The following ACSM5 variants were observed in gnomAD, a reference collection of about 807,000 sequenced individuals.
ACSM5 encodes acyl-CoA synthetase medium chain family member 5.
A neutral mutation model predicts 71.6 loss-of-function variants in ACSM5; 56 were observed. The ratio of observed to expected loss-of-function variants is 0.78; its 90% CI spans 0.63 to 0.98. The LOEUF is 0.98. ACSM5 is among the 50% of genes least tolerant of loss of function. The probability of loss-of-function intolerance (pLI) is 0.00; values close to 1 mark genes in which losing one functional copy is unlikely to be tolerated. For synonymous variants in ACSM5, 285 were observed against 281.5 expected, an observed-to-expected ratio of 1.01 and a Z score of -0.12; for missense variants, 723 against 726.0, an observed-to-expected ratio of 1.00 and a Z score of 0.05.
chr16:20,412,652 G>T (rs956676969), intron 2 of ACSM5, among the ~76,000 whole-genome samples: 8 of 152,170 alleles, frequency 5.3e-5, no homozygotes, highest in African/African-American at 1.2e-4. Context: ...AATGAGAAAA[G>T]CCTTTTCCCT....
chr16:20,438,954 T>TAAAA (rs1275195181), intron 12 of ACSM5, among the ~76,000 whole-genome samples: 2 of 92,684 alleles, frequency 2.2e-5, no homozygotes, highest in Non-Finnish European at 4.0e-5. Flanking sequence ...GACTCTGTCT[T>TAAAA]AAAAAAAAAA....
rs758925560 is a variant in ACSM5, at chr16:20,419,207, T to A, written c.416-21T>A. 4 of 1,613,422 alleles carry A rather than the reference T, an allele frequency of 2.5e-6. No individual in the cohort carries two copies. In the East Asian group the frequency reaches 8.9e-5, roughly 36 times the overall value. The stretch of plus-strand genomic sequence containing the variant: ...GGCCTTCCCCGCTATCCACTCAACA[T>A]CCCCTTCTGTTTTATGCCAGGGACT... On this transcript the variant is annotated intron_variant, in intron 3 of 13. Transcript: ENST00000331849.
intron 10 of ACSM5, among the ~76,000 whole-genome samples, chr16:20,433,617 C>T (rs1397925389): frequency 6.6e-6 from 1 of 151,942 alleles, no homozygotes; most frequent in Non-Finnish European, 1.5e-5. Context: ...AAAAAAGAAT[C>T]CAGGAATTTG....
At chr16:20,419,082 G>C (rs770201681) in intron 3 of ACSM5, 146 bp from the exon 4 acceptor site, 250 of 711,284 alleles carry the variant, frequency 3.5e-4, no homozygotes, top group Non-Finnish European at 4.6e-4. Context: ...GACGGCTAGG[G>C]TTTTTAGGCT....
intron 2 of ACSM5, among the ~76,000 whole-genome samples, chr16:20,415,349 T>C (rs1173345848): frequency 6.6e-6 from 1 of 152,146 alleles, no homozygotes; most frequent in South Asian, 2.1e-4. Context: ...CACAGAGAGC[T>C]TTTTGAAGAG....
chr16:20,423,748 G>A (rs559730159), intron 5 of ACSM5, among the ~76,000 whole-genome samples, 168 bp from the exon 6 acceptor site: 1 of 152,344 alleles, frequency 6.6e-6, no homozygotes, highest in African/African-American at 2.4e-5. Flanking sequence ...ATAGGTACAT[G>A]GAAGATGCTG....
intron 4 of ACSM5, 104 bp from the exon 5 acceptor site, chr16:20,421,154 T>C: frequency 1.5e-6 from 2 of 1,378,408 alleles, no homozygotes; most frequent in Non-Finnish European, 1.9e-6. Flanking sequence ...GCACCTCACA[T>C]GTGGTATTTA....
intron 12 of ACSM5, among the ~76,000 whole-genome samples, chr16:20,437,884 A>G (rs2141662935): frequency 6.6e-6 from 1 of 151,288 alleles, no homozygotes; most frequent in African/African-American, 2.4e-5. Flanking sequence ...GTGCAGTGGC[A>G]TGATCTTGGC....
chr16:20,423,921 G>T lies in ACSM5; in HGVS notation c.773G>T (p.Trp258Leu), dbSNP rs534281119. Residue 258 changes from tryptophan (W) to leucine (L), a missense_variant, in exon 6 of 14, where the codon TGG (tryptophan) becomes TTG (leucine). Physicochemically the swap from Trp to Leu is moderately conservative, Grantham distance 61. Coordinates refer to ENST00000331849, the MANE Select transcript of ACSM5 (RefSeq NM_017888.3). Reference protein sequence around the residue: ...GLGFVASGRRWVALTESDIFW... With the variant: ...GLGFVASGRRLVALTESDIFW... ...CGTTCTCTAATTTTTGGCAGACGGT[G>T]GGTGGCCTTGACCGAATCTGACATC... is the stretch of plus-strand genomic sequence containing the variant. 10 of 1,613,968 alleles carry T rather than the reference G, an allele frequency of 6.2e-6. 1 individual carries two copies. In the South Asian group the frequency reaches 8.8e-5, roughly 14 times the overall value.
In ACSM5 at chr16:20,417,023, CAA is replaced by C. The variant is rs35498393; in HGVS notation, c.205-1021_205-1020del. On this transcript the variant is annotated intron_variant, in intron 2 of 13. Transcript: ENST00000331849. ...TACCACTTCATAACCAGTGGCATGG[CAA>C]AAAAAAAAAAAAAAGGTACAATAAC... is the stretch of plus-strand genomic sequence containing the variant. Among the ~76,000 whole-genome samples, 13 of 130,058 alleles carry C rather than the reference CAA, an allele frequency of 1.0e-4. 1 individual carries two copies. The South Asian group carries it at 1.0e-3, about 10-fold the overall frequency. The allele number at this position is 130,058 out of a possible 152,430, so 85.3% of individuals were successfully genotyped here.
At chr16:20,423,877 T>A (rs1966924646) in intron 5 of ACSM5, 39 bp from the exon 6 acceptor site, 1 of 1,611,110 alleles carries the variant, frequency 6.2e-7, no homozygotes, top group African/African-American at 1.3e-5. Context: ...AAAGGTAGAG[T>A]CATTGCCAAG....
At chr16:20,424,376 C>G (rs1332672244) in intron 6 of ACSM5, among the ~76,000 whole-genome samples, 1 of 152,130 alleles carries the variant, frequency 6.6e-6, no homozygotes, top group Non-Finnish European at 1.5e-5. Context: ...AACCCTTAGG[C>G]AAAATCAGTC....
intron 1 of ACSM5, among the ~76,000 whole-genome samples, chr16:20,410,844 G>T (rs982552268): frequency 1.3e-5 from 2 of 152,072 alleles, no homozygotes; most frequent in African/African-American, 4.8e-5. Flanking sequence ...CTTGAAGTGT[G>T]GCTAGTCCAA....
At chr16:20,422,187 C>T (rs1248033714) in intron 5 of ACSM5, among the ~76,000 whole-genome samples, 1 of 152,146 alleles carries the variant, frequency 6.6e-6, no homozygotes, top group African/African-American at 2.4e-5. Context: ...TCTCCACTCA[C>T]TGCAACCTCT....
intron 6 of ACSM5, 152 bp downstream of exon 6, chr16:20,424,221 C>G (rs1416443553): frequency 2.2e-6 from 2 of 914,336 alleles, no homozygotes; most frequent in South Asian, 3.6e-5. Flanking sequence ...TGGTTCCTGA[C>G]CACCTGGTTC....
intron 6 of ACSM5, among the ~76,000 whole-genome samples, chr16:20,425,199 T>A (rs61078310): frequency 0.12 from 17,899 of 151,788 alleles, 2,518 homozygotes; most frequent in African/African-American, 0.34. Flanking sequence ...TTCCATGAGT[T>A]CAATTGTTTT....
In ACSM5 at chr16:20,437,286, T is replaced by G; in HGVS notation, c.1455T>G (p.Val485=). ...INSSSYRIGP[V]EVESALAEHP... is the part of the protein sequence containing the mutation. ...CTTCCAGCTACCGGATCGGGCCTGT[T>G]GAAGTGGAAAGTGCCCTGGCAGAGC... Residue 485 remains valine (V), a synonymous_variant, in exon 12 of 14, where the codon GTT becomes GTG. Coordinates refer to ENST00000331849, the MANE Select transcript of ACSM5 (RefSeq NM_017888.3). The G allele has an allele frequency of 6.2e-7, 1 of 1,614,160 alleles. No homozygotes were observed. Among genetic ancestry groups the G allele is most frequent in the Non-Finnish European group, 8.5e-7 (1 of 1,180,026 alleles).
At chr16:20,420,204 G>A (rs1278535072) in intron 4 of ACSM5, among the ~76,000 whole-genome samples, 1 of 152,192 alleles carries the variant, frequency 6.6e-6, no homozygotes, top group East Asian at 1.9e-4. Context: ...AGCTGCATCA[G>A]ATTCACCTGG....
intron 6 of ACSM5, among the ~76,000 whole-genome samples, chr16:20,424,846 G>A (rs943614400): frequency 2.0e-5 from 3 of 152,166 alleles, no homozygotes; most frequent in African/African-American, 7.2e-5. Flanking sequence ...GTTCTTTTTT[G>A]AAATAATTTT....
Sources: allele counts gnomAD v4.1 joint callset (sites outside exome capture counted in the v4.1 genomes callset), GRCh38; gene constraint gnomAD v4.1.1; transcripts MANE v1.5; gene names NCBI Gene and HGNC (gene_info 2026-07-23, HGNC 2026-07-21).